The following GRM5 variants were observed in gnomAD, a reference collection of about 807,000 sequenced individuals.
GRM5 encodes glutamate metabotropic receptor 5, also known as metabotropic glutamate receptor 5.
A neutral mutation model predicts 83.1 loss-of-function variants in GRM5; 19 were observed. The ratio of observed to expected loss-of-function variants is 0.23; its 90% CI spans 0.16 to 0.34. The LOEUF is 0.34. Ranked by LOEUF, GRM5 falls within the 10% of genes least tolerant of loss-of-function variation. GRM5 has a pLI of 1.00. For synonymous variants in GRM5, 675 were observed against 633.6 expected, an observed-to-expected ratio of 1.07 and a Z score of -0.98; for missense variants, 1,160 against 1,588.3, an observed-to-expected ratio of 0.73 and a Z score of 4.58.
At chr11:88,794,673 A>G (rs530590543) in intron 3 of GRM5, among the ~76,000 whole-genome samples, 1 of 152,284 alleles carries the variant, frequency 6.6e-6, no homozygotes, top group African/African-American at 2.4e-5. Flanking sequence ...AATAAAGTAT[A>G]TGTATTTGAT....
chr11:88,652,527 T>C (rs540491349), intron 4 of GRM5, among the ~76,000 whole-genome samples: 7 of 152,202 alleles, frequency 4.6e-5, no homozygotes, highest in African/African-American at 1.4e-4. Context: ...CCTTCCAAGA[T>C]AGTAAACCTT....
At chr11:88,718,567 T>C (rs1941451982) in intron 3 of GRM5, among the ~76,000 whole-genome samples, 1 of 151,960 alleles carries the variant, frequency 6.6e-6, no homozygotes, top group Admixed American at 6.6e-5. Flanking sequence ...TATTAAAATG[T>C]TCTCTACAGA....
intron 2 of GRM5, among the ~76,000 whole-genome samples, chr11:88,914,611 C>G (rs568425517): frequency 6.6e-6 from 1 of 152,266 alleles, no homozygotes; most frequent in East Asian, 1.9e-4. Flanking sequence ...TTCTGTGACT[C>G]AGCACACATC....
chr11:88,687,579 A>ATATTATATATATATAT (rs1250226972), intron 3 of GRM5, among the ~76,000 whole-genome samples: 1 of 46,880 alleles, frequency 2.1e-5, no homozygotes, highest in African/African-American at 2.0e-4. Context: ...ATATATATAT[A>ATATTATATATATATAT]ATATATATAT....
intron 3 of GRM5, among the ~76,000 whole-genome samples, chr11:88,742,315 A>G (rs1183057566): frequency 2.0e-5 from 3 of 152,076 alleles, no homozygotes; most frequent in Non-Finnish European, 2.9e-5. Context: ...AGCAGGAATA[A>G]TATCATCAAA....
intron 8 of GRM5, among the ~76,000 whole-genome samples, chr11:88,549,272 G>T (rs536113877): frequency 6.6e-6 from 1 of 151,938 alleles, no homozygotes; most frequent in East Asian, 1.9e-4. Context: ...AAGACCAAGT[G>T]GGGGCAACAT....
intron 2 of GRM5, among the ~76,000 whole-genome samples, chr11:88,957,263 G>A (rs970753679): frequency 7.2e-5 from 11 of 152,216 alleles, no homozygotes; most frequent in African/African-American, 2.7e-4. Context: ...AGAATTGTAA[G>A]CAGCACAGTA....
chr11:88,885,929 G>A (rs922566358), intron 2 of GRM5, among the ~76,000 whole-genome samples: 1 of 152,136 alleles, frequency 6.6e-6, no homozygotes, highest in African/African-American at 2.4e-5. Context: ...TTCTCTGCCA[G>A]CCATGTATAC....
intron 3 of GRM5, among the ~76,000 whole-genome samples, chr11:88,714,579 C>T (rs2169661): frequency 0.22 from 32,877 of 151,760 alleles, 3,735 homozygotes; most frequent in Middle Eastern, 0.28. Context: ...ATAATCTCTT[C>T]TTTGAGATGT....
chr11:88,572,985 T>C (rs945098223), intron 7 of GRM5, among the ~76,000 whole-genome samples: 1 of 152,162 alleles, frequency 6.6e-6, no homozygotes, highest in East Asian at 1.9e-4. Flanking sequence ...TCTCAGAAAA[T>C]GCACAGTATT....
intron 2 of GRM5, among the ~76,000 whole-genome samples, chr11:88,925,501 G>C (rs1006434219): frequency 9.9e-5 from 15 of 151,958 alleles, no homozygotes; most frequent in African/African-American, 3.6e-4. Flanking sequence ...TCACCATCAG[G>C]GGTTCCTAAT....
At chr11:88,858,376 G>A (rs1944507771) in intron 2 of GRM5, among the ~76,000 whole-genome samples, 1 of 151,992 alleles carries the variant, frequency 6.6e-6, no homozygotes, top group South Asian at 2.1e-4. Flanking sequence ...ATTATTTAAA[G>A]GAATACTAAC....
chr11:89,033,187 G>T (rs1941303385), intron 2 of GRM5, among the ~76,000 whole-genome samples: 1 of 151,998 alleles, frequency 6.6e-6, no homozygotes, highest in Non-Finnish European at 1.5e-5. Context: ...GAAAGTGCAG[G>T]TACAGCCATC....
At chr11:88,550,001 A>G (rs750465564) in intron 8 of GRM5, among the ~76,000 whole-genome samples, 23 of 152,134 alleles carry the variant, frequency 1.5e-4, no homozygotes, top group Admixed American at 3.9e-4. Flanking sequence ...AAGATAAGGT[A>G]AAATTAGTAG....
At chr11:88,883,364 G>A (rs1308018653) in intron 2 of GRM5, among the ~76,000 whole-genome samples, 2 of 152,180 alleles carry the variant, frequency 1.3e-5, no homozygotes, top group Middle Eastern at 3.2e-3. Context: ...TGAGGAACTT[G>A]TTGGGAACTA....
intron 2 of GRM5, among the ~76,000 whole-genome samples, chr11:89,012,249 G>A (rs190850178): frequency 2.9e-4 from 44 of 152,194 alleles, no homozygotes; most frequent in Admixed American, 1.6e-3. Flanking sequence ...TGGAGATTTC[G>A]GAAATGAAGG....
chr11:88,545,344 T>G (rs948556667), intron 8 of GRM5, among the ~76,000 whole-genome samples: 1 of 152,166 alleles, frequency 6.6e-6, no homozygotes, highest in Non-Finnish European at 1.5e-5. Flanking sequence ...AATTTTAAAT[T>G]TAATAGTTCC....
intron 8 of GRM5, among the ~76,000 whole-genome samples, chr11:88,539,593 G>A (rs967802243): frequency 6.6e-6 from 1 of 152,064 alleles, no homozygotes; most frequent in African/African-American, 2.4e-5. Flanking sequence ...TATTTGTCCT[G>A]TTTCCTCCAC....
Position 89,023,904 on chromosome 11 carries a change from T to C in GRM5, c.661+23308A>G, listed in dbSNP as rs1357333347. Among the ~76,000 whole-genome samples, 9 of 150,064 alleles carry C rather than the reference T, an allele frequency of 6.0e-5. No homozygotes were observed. The East Asian group carries it at 1.8e-3, about 29-fold the overall frequency. On this transcript the variant is annotated intron_variant, in intron 2 of 9. Transcript: ENST00000305447. ...AAATAAATAAATAAATAAAAATAAA[T>C]TTTAAAATAATGATCTTAATATTAA...
Sources: gnomAD v4.1 joint callset for allele counts (sites outside exome capture counted in the v4.1 genomes callset) on GRCh38, gnomAD v4.1.1 for gene constraint, MANE v1.5 for transcripts, NCBI Gene and HGNC (gene_info 2026-07-23, HGNC 2026-07-21) for gene names.